GRM5: variants seen among roughly 807,000 people sequenced by gnomAD.
GRM5 encodes the protein glutamate metabotropic receptor 5.
A neutral mutation model predicts 83.1 loss-of-function variants in GRM5; 19 were observed. The ratio of observed to expected loss-of-function variants is 0.23; its 90% CI spans 0.16 to 0.34. GRM5 has a LOEUF of 0.34. GRM5 is among the 10% of genes least tolerant of loss of function. The pLI is 1.00. For missense variants in GRM5, 1,160 were observed against 1,588.3 expected, an observed-to-expected ratio of 0.73 and a Z score of 4.58; for synonymous variants, 675 against 633.6, an observed-to-expected ratio of 1.07 and a Z score of -0.98.
intron 9 of GRM5, among the ~76,000 whole-genome samples, chr11:88,520,345 G>T (rs1054968919): frequency 5.9e-5 from 9 of 152,098 alleles, no homozygotes; most frequent in African/African-American, 1.9e-4. Context: ...GGCTTCTATT[G>T]TCTGTACTGG....
intron 2 of GRM5, among the ~76,000 whole-genome samples, chr11:88,933,466 T>C (rs965249840): frequency 1.3e-4 from 20 of 151,850 alleles, no homozygotes; most frequent in African/African-American, 4.8e-4. Context: ...CAACTGCTCA[T>C]ATATTCTATC....
In GRM5 at chr11:88,946,952, A is replaced by C. The variant is rs368307532; in HGVS notation, c.662-96797T>G. Among the ~76,000 whole-genome samples, 430 of 152,206 alleles carry C rather than the reference A, an allele frequency of 2.8e-3. 1 individual carries two copies. Among genetic ancestry groups the C allele is most frequent in the African/African-American group, 9.6e-3 (400 of 41,532 alleles). On this transcript the variant is annotated intron_variant, in intron 2 of 9. Transcript: ENST00000305447. Reference sequence around the variant, plus strand: ...GCTTTATTATTTTTGTGCTTTAATCAATGAGAATGTTTACCTATGGGGAAA... The same window carrying C: ...GCTTTATTATTTTTGTGCTTTAATCCATGAGAATGTTTACCTATGGGGAAA...
At chr11:89,042,552 T>A (rs1394399160) in intron 2 of GRM5, among the ~76,000 whole-genome samples, 1 of 152,220 alleles carries the variant, frequency 6.6e-6, no homozygotes, top group Non-Finnish European at 1.5e-5. Context: ...ATTACCATGA[T>A]CATCCCAAAA....
In GRM5 at chr11:89,065,772, T is replaced by G. The variant is rs1942087748; in HGVS notation, c.-201+4A>C. ...CAAGAGAAAGAAAAAGGCGCTGTGC[T>G]TACCAGGTGCGCGCCCTGAGCCTTG... On this transcript the variant is annotated splice_donor_region_variant and intron_variant, in intron 1 of 9. Transcript: ENST00000305447. 1 of 152,306 alleles carries G rather than the reference T, an allele frequency of 6.6e-6. No individual in the cohort carries two copies. The highest frequency in any genetic ancestry group is 1.5e-5 in the Non-Finnish European group (1 of 68,122). 9.4% of individuals were successfully genotyped at this position (152,306 alleles called of 1,614,324 possible). A position where few individuals can be genotyped will look rare whatever the true frequency, so the allele number is the denominator to read the frequency against.
At chr11:88,967,006 A>T (rs1410917345) in intron 2 of GRM5, among the ~76,000 whole-genome samples, 1 of 152,084 alleles carries the variant, frequency 6.6e-6, no homozygotes, top group African/African-American at 2.4e-5. Context: ...TGCAAAATGT[A>T]TGTGTGGAAT....
intron 8 of GRM5, among the ~76,000 whole-genome samples, chr11:88,558,799 C>CAAAAAAAAAA (rs71265014): frequency 4.6e-5 from 1 of 21,908 alleles, no homozygotes; most frequent in African/African-American, 1.3e-4. Context: ...GACTCCATCT[C>CAAAAAAAAAA]AAAAAAAAAA....
intron 2 of GRM5, among the ~76,000 whole-genome samples, chr11:88,939,729 G>A (rs747053577): frequency 6.6e-6 from 1 of 151,726 alleles, no homozygotes; most frequent in Admixed American, 6.6e-5. Flanking sequence ...GAGCACACCT[G>A]ACATTTAGTA....
chr11:88,629,695 G>C (rs1271915303), intron 4 of GRM5, among the ~76,000 whole-genome samples: 2 of 152,082 alleles, frequency 1.3e-5, no homozygotes, highest in Non-Finnish European at 2.9e-5. Context: ...GACCTGAACT[G>C]ATTTCTCCTG....
chr11:88,715,292 G>A (rs1017397738), intron 3 of GRM5, among the ~76,000 whole-genome samples: 3 of 151,924 alleles, frequency 2.0e-5, no homozygotes, highest in Non-Finnish European at 2.9e-5. Flanking sequence ...TCTTAGGAAC[G>A]ACCTGCAGAG....
Position 88,895,086 on chromosome 11 carries a change from T to G in GRM5, c.662-44931A>C, listed in dbSNP as rs545550867. Among the ~76,000 whole-genome samples the G allele has an allele frequency of 1.3e-4, 20 of 152,090 alleles. No individual in the cohort carries two copies. The South Asian group carries it at 3.9e-3, about 30-fold the overall frequency. ...ATACATATTACTGGAATTAAGTTAG[T>G]GTAAATTTGAAGCAGACTGATAAAT... On this transcript the variant is annotated intron_variant, in intron 2 of 9. Transcript: ENST00000305447.
intron 7 of GRM5, among the ~76,000 whole-genome samples, chr11:88,578,877 A>G (rs1943169415): frequency 6.6e-6 from 1 of 152,102 alleles, no homozygotes; most frequent in Non-Finnish European, 1.5e-5. Flanking sequence ...ACAGTGCACA[A>G]AATTTTTCAT....
intron 2 of GRM5, among the ~76,000 whole-genome samples, chr11:88,914,643 T>C (rs537474893): frequency 2.0e-5 from 3 of 152,158 alleles, no homozygotes; most frequent in Non-Finnish European, 4.4e-5. Flanking sequence ...GTTTCTCTGT[T>C]CCATTGAATC....
chr11:88,862,330 T>C (rs1302737972), intron 2 of GRM5, among the ~76,000 whole-genome samples: 1 of 152,176 alleles, frequency 6.6e-6, no homozygotes, highest in Non-Finnish European at 1.5e-5. Flanking sequence ...CTACATTGTT[T>C]TGTTATATAT....
intron 3 of GRM5, among the ~76,000 whole-genome samples, chr11:88,802,764 A>G (rs1943423592): frequency 6.7e-6 from 1 of 150,024 alleles, no homozygotes; most frequent in Admixed American, 6.6e-5. Context: ...TGCAGATGAC[A>G]TGATTGTATA....
intron 3 of GRM5, among the ~76,000 whole-genome samples, chr11:88,782,212 G>A (rs1318886304): frequency 2.0e-5 from 3 of 151,900 alleles, no homozygotes; most frequent in African/African-American, 7.3e-5. Context: ...AATAATAATT[G>A]CTGTATTAGT....
intron 4 of GRM5, among the ~76,000 whole-genome samples, chr11:88,622,923 G>A (rs1317452187): frequency 6.6e-6 from 1 of 151,972 alleles, no homozygotes; most frequent in African/African-American, 2.4e-5. Context: ...AACATTATTG[G>A]ATTTTTGTTA....
intron 8 of GRM5, among the ~76,000 whole-genome samples, chr11:88,564,279 C>G (rs1024451031): frequency 6.6e-6 from 1 of 152,050 alleles, no homozygotes; most frequent in East Asian, 1.9e-4. Context: ...GCACAGATTT[C>G]AAAAAAACTA....
At chr11:88,703,481 AG>A (rs1275333761) in intron 3 of GRM5, among the ~76,000 whole-genome samples, 1 of 152,040 alleles carries the variant, frequency 6.6e-6, no homozygotes, top group African/African-American at 2.4e-5. Context: ...TAGTTCAATT[AG>A]GGGTTTTTAG....
chr11:88,901,446 T>C (rs1467165444), intron 2 of GRM5, among the ~76,000 whole-genome samples: 1 of 152,160 alleles, frequency 6.6e-6, no homozygotes, highest in Non-Finnish European at 1.5e-5. Context: ...CCTAGTTCTT[T>C]CTGACTCTAA....
Sources: allele counts gnomAD v4.1 joint callset (sites outside exome capture counted in the v4.1 genomes callset), GRCh38; gene constraint gnomAD v4.1.1; transcripts MANE v1.5; gene names NCBI Gene and HGNC (gene_info 2026-07-23, HGNC 2026-07-21).